HIVEP2: variants seen among roughly 807,000 people sequenced by gnomAD.
HIVEP2 encodes the protein HIVEP zinc finger 2, also known as transcription factor HIVEP2.
A neutral mutation model predicts 180.7 loss-of-function variants in HIVEP2; 14 were observed. The ratio of observed to expected loss-of-function variants is 0.08; its 90% CI spans 0.05 to 0.12. The LOEUF (loss-of-function observed/expected upper bound fraction) is 0.12. Among genes scored for constraint, HIVEP2 ranks in the 10% least tolerant of loss-of-function variants. HIVEP2 has a pLI of 1.00. For missense variants in HIVEP2, 2,579 were observed against 3,008.5 expected (o/e 0.86, Z 3.34); for synonymous variants, 1,184 against 1,136.4 (o/e 1.04, Z -0.84).
intron 1 of HIVEP2, among the ~76,000 whole-genome samples, chr6:142,905,048 A>C (rs1461299709): frequency 6.6e-6 from 1 of 152,170 alleles, no homozygotes; most frequent in East Asian, 1.9e-4. Flanking sequence ...TTGCCCACTT[A>C]CTTTATAATA....
intron 1 of HIVEP2, among the ~76,000 whole-genome samples, chr6:142,848,613 C>T (rs919266009): frequency 4.1e-4 from 62 of 152,148 alleles, no homozygotes; most frequent in African/African-American, 1.3e-3. Flanking sequence ...GTCCCAGATA[C>T]TCAGGTGGCT....
At chr6:142,931,200 A>G (rs1777935666) in intron 1 of HIVEP2, among the ~76,000 whole-genome samples, 1 of 152,022 alleles carries the variant, frequency 6.6e-6, no homozygotes, top group African/African-American at 2.4e-5. Flanking sequence ...CTAGAGCTCA[A>G]GTAGGAATTT....
chr6:142,789,167 G>C (rs1394963937), intron 2 of HIVEP2, among the ~76,000 whole-genome samples: 3 of 151,260 alleles, frequency 2.0e-5, no homozygotes, highest in East Asian at 1.9e-4. Context: ...TAAACATCTG[G>C]TGGTAATTTA....
chr6:142,911,783 T>TCTG (rs776188085), intron 1 of HIVEP2, among the ~76,000 whole-genome samples: 1 of 152,220 alleles, frequency 6.6e-6, no homozygotes, highest in Non-Finnish European at 1.5e-5. Context: ...TGTTTGTGTG[T>TCTG]CTGTGATGCG....
rs915537232 is a variant in HIVEP2, at chr6:142,753,861, T to C, written c.6587A>G (p.His2196Arg). 2 of 1,613,852 alleles carry C rather than the reference T, an allele frequency of 1.2e-6. No homozygotes were observed. The highest frequency in any genetic ancestry group is 1.1e-5 in the South Asian group (1 of 91,070). ...LYGDQEGAYE[H>R]PGSSLFPEGP... ...CTCAGGGAAAAGGCTGGAGCCTGGA[T>C]GTTCATAAGCACCTTCTTGGTCTCC... The change falls in exon 10 of 10, where the codon CAT becomes CGT. Residue 2196 changes from histidine (H) to arginine (R), a missense_variant. Around this residue, in one of 11 missense-constraint regions of HIVEP2, gnomAD observed 660 missense variants for 731.7 expected, o/e 0.90. Coordinates refer to ENST00000367603, the MANE Select transcript of HIVEP2 (RefSeq NM_006734.4).
chr6:142,774,593 T>C lies in HIVEP2; in HGVS notation c.146A>G (p.Gln49Arg), dbSNP rs774936634. ...GTTTCCGATTTGCTCAGGCTCTATT[T>C]GTGGTTGCCGCTGTCCTTCATGACT... ...FGSHEGQRQPQIEPEQIGNTA... is the reference protein window; with the variant it reads ...FGSHEGQRQPRIEPEQIGNTA... Residue 49 changes from glutamine (Q) to arginine (R), a missense_variant, in exon 5 of 10, where the codon CAA becomes CGA. Coordinates refer to ENST00000367603, the MANE Select transcript of HIVEP2 (RefSeq NM_006734.4). This position sits in a 1 kb window ranked among gnomAD's most constrained non-coding sequence, Gnocchi z 5.1. 5.6e-6 allele frequency: 9 copies of C among 1,614,096 alleles called. No individual in the cohort carries two copies. In the East Asian group the frequency reaches 1.3e-4, roughly 24 times the overall value.
At chr6:142,936,697 A>T (rs977021238) in intron 1 of HIVEP2, among the ~76,000 whole-genome samples, 76 of 152,270 alleles carry the variant, frequency 5.0e-4, no homozygotes, top group African/African-American at 1.8e-3. Context: ...TTTCTTTGTT[A>T]TTTGGGTTAA....
At position 142,838,236 on chromosome 6, in the gene HIVEP2, T is replaced by C. The variant is rs1207115875; in HGVS notation, c.-640-1189A>G. Among the ~76,000 whole-genome samples, 3 of 152,108 alleles carry C rather than the reference T, an allele frequency of 2.0e-5. No homozygotes were observed. The East Asian group carries it at 5.8e-4, about 29-fold the overall frequency. The stretch of plus-strand genomic sequence containing the variant: ...AATCCATGTAGTCATGGGAAATATG[T>C]TTTCACTTTCAAGAAAACCTGTGTC... On this transcript the variant is annotated intron_variant, in intron 1 of 9. Transcript: ENST00000367603.
intron 7 of HIVEP2, among the ~76,000 whole-genome samples, chr6:142,764,212 AT>A (rs1239898480): frequency 1.1e-4 from 17 of 152,312 alleles, no homozygotes; most frequent in African/African-American, 3.8e-4. Context: ...TTAAAAACAG[AT>A]TTTAAAAAAA....
chr6:142,919,038 TA>T (rs1777629446), intron 1 of HIVEP2, among the ~76,000 whole-genome samples: 1 of 152,218 alleles, frequency 6.6e-6, no homozygotes, highest in East Asian at 1.9e-4. Flanking sequence ...ATGTCTTTAT[TA>T]ACTTCAAGTT....
At chr6:142,815,717 G>A (rs1187348527) in intron 2 of HIVEP2, among the ~76,000 whole-genome samples, 2 of 152,124 alleles carry the variant, frequency 1.3e-5, no homozygotes, top group African/African-American at 2.4e-5. Flanking sequence ...TGTGCTAAGC[G>A]TTTCACATGC....
rs1479401782 is a variant in HIVEP2, at chr6:142,774,424, C to T, written c.315G>A (p.Leu105=). 7 of 1,614,192 alleles carry T rather than the reference C, an allele frequency of 4.3e-6. No homozygotes were observed. The highest frequency in any genetic ancestry group is 1.1e-5 in the South Asian group (1 of 91,086). The change falls in exon 5 of 10, where the codon TTG becomes TTA. Residue 105 remains leucine, a synonymous_variant. Transcript: ENST00000367603. This position sits in a 1 kb window ranked among gnomAD's most constrained non-coding sequence, Gnocchi z 5.1. ...QHSLSFPQHS[L]PQGVMHSTKP... ...TGGTGCTGTGCATGACCCCCTGTGG[C>T]AATGAGTGCTGAGGGAAAGAGAGTG...
chr6:142,828,654 A>G (rs548894047), intron 2 of HIVEP2, among the ~76,000 whole-genome samples: 1 of 151,536 alleles, frequency 6.6e-6, no homozygotes, highest in South Asian at 2.1e-4. Flanking sequence ...CTGGTCTCGA[A>G]CTCCTGACCT....
chr6:142,903,706 A>C (rs953003319), intron 1 of HIVEP2, among the ~76,000 whole-genome samples: 9 of 152,228 alleles, frequency 5.9e-5, no homozygotes, highest in African/African-American at 2.2e-4. Context: ...AAAACAAAAC[A>C]AAAAGGTGAA....
At chr6:142,897,397 A>G (rs952850732) in intron 1 of HIVEP2, among the ~76,000 whole-genome samples, 2 of 152,256 alleles carry the variant, frequency 1.3e-5, no homozygotes, top group Non-Finnish European at 2.9e-5. Flanking sequence ...CTGCATCTGC[A>G]GAGATGTACC....
At chr6:142,873,061 A>G (rs1253433032) in intron 1 of HIVEP2, among the ~76,000 whole-genome samples, 2 of 152,200 alleles carry the variant, frequency 1.3e-5, no homozygotes, top group Non-Finnish European at 2.9e-5. Flanking sequence ...TGCAATTCCA[A>G]TTCTAAAGCA....
intron 2 of HIVEP2, 86 bp from the exon 3 acceptor site, chr6:142,783,701 C>T (rs867796746): frequency 1.3e-5 from 2 of 151,620 alleles, no homozygotes; most frequent in African/African-American, 4.8e-5. Flanking sequence ...CTCACAGAAC[C>T]TGCCTTCCTT....
intron 1 of HIVEP2, among the ~76,000 whole-genome samples, chr6:142,889,444 C>A (rs1187897455): frequency 6.6e-6 from 1 of 152,102 alleles, no homozygotes; most frequent in Non-Finnish European, 1.5e-5. Context: ...AGCAACAGAG[C>A]AAGTCCCTGT....
chr6:142,934,997 A>G (rs1778019534), intron 1 of HIVEP2, among the ~76,000 whole-genome samples: 1 of 152,212 alleles, frequency 6.6e-6, no homozygotes, highest in African/African-American at 2.4e-5. Context: ...GAGCACCCTG[A>G]ACAGAATATG....
Sources: allele counts gnomAD v4.1 joint callset (sites outside exome capture counted in the v4.1 genomes callset), GRCh38; gene constraint gnomAD v4.1.1; regional missense constraint gnomAD v4.1.1; non-coding constraint Gnocchi (gnomAD v3.1); transcripts MANE v1.5; gene names NCBI Gene and HGNC (gene_info 2026-07-23, HGNC 2026-07-21).